The following COG4 variants were observed in gnomAD, a reference collection of about 807,000 sequenced individuals.
The protein encoded by COG4 is component of oligomeric golgi complex 4, also known as conserved oligomeric Golgi complex subunit 4.
Under a neutral mutation model 95.1 loss-of-function variants are expected in COG4, and 65 were observed. The observed-to-expected ratio is 0.68, with a 90% CI of 0.56 to 0.84. The LOEUF is 0.84. COG4 is among the 40% of genes least tolerant of loss of function. COG4 has a pLI of 0.00. For missense variants in COG4, 1,045 were observed against 989.1 expected (o/e 1.06, Z -0.76); for synonymous variants, 421 against 374.8 (o/e 1.12, Z -1.42).
At position 70,496,359 on chromosome 16, in the gene COG4, T is replaced by G. The variant is rs1256093664; in HGVS notation, c.1554A>C (p.Thr518=). The change falls in exon 12 of 19, where the codon ACA becomes ACC. Residue 518 remains threonine (T), a synonymous_variant. Coordinates refer to ENST00000323786, the MANE Select transcript of COG4 (RefSeq NM_015386.3). ...TGCTGTGCATGATGTTCACGGCACT[T>G]GTCACCCCGCGCTGGATGTCCTGGA... ...TTFQDIQRGV[T]SAVNIMHSSL... 6.2e-7 allele frequency: 1 copy of G among 1,614,194 alleles called. No homozygotes were observed. Among genetic ancestry groups the G allele is most frequent in the East Asian group, 2.2e-5 (1 of 44,878 alleles).
At chr16:70,487,290 T>A (rs11859791) in intron 13 of COG4, among the ~76,000 whole-genome samples, 84,023 of 144,804 alleles carry the variant, frequency 0.58, 26,725 homozygotes, top group African/African-American at 0.88. Flanking sequence ...AATAAAAAAA[T>A]AAAAATAAAA....
At chr16:70,491,644 G>A (rs1200068075) in intron 12 of COG4, among the ~76,000 whole-genome samples, 6 of 149,980 alleles carry the variant, frequency 4.0e-5, no homozygotes, top group Non-Finnish European at 8.9e-5. Flanking sequence ...CCAACATGGC[G>A]AAACCCCGTC....
rs776406126 is a variant in COG4, at chr16:70,509,372, C to T, written c.861G>A (p.Val287=). 2 of 1,614,194 alleles carry T rather than the reference C, an allele frequency of 1.2e-6. No homozygotes were observed. Among genetic ancestry groups the T allele is most frequent in the South Asian group, 2.2e-5 (2 of 91,086 alleles). Residue 287 remains valine (V), a synonymous_variant, in exon 7 of 19, where the codon GTG becomes GTA. Coordinates refer to ENST00000323786, the MANE Select transcript of COG4 (RefSeq NM_015386.3). ...TLLFEGIARI[V]ETHQPIVETY... ...TCTCCACTATTGGCTGGTGGGTCTC[C>T]ACAATGCGGGCAATCCCTAGAAGGG...
rs1366987468 is a variant in COG4, at chr16:70,486,462, C to T, written c.1711-2493G>A. On this transcript the variant is annotated intron_variant, in intron 13 of 18. Transcript: ENST00000323786. ...CTTGTAACCTTCCCTGTAAGCTGAACGTCATGCCACCTGATCTGCCTATCT... is the reference window on the plus strand; with the variant it reads ...CTTGTAACCTTCCCTGTAAGCTGAATGTCATGCCACCTGATCTGCCTATCT... Among the ~76,000 whole-genome samples the T allele has an allele frequency of 3.9e-5, 6 of 152,302 alleles. No individual in the cohort carries two copies. The East Asian group carries it at 7.7e-4, about 20-fold the overall frequency.
At chr16:70,486,505 G>A (rs1238173730) in intron 13 of COG4, among the ~76,000 whole-genome samples, 2 of 152,174 alleles carry the variant, frequency 1.3e-5, no homozygotes, top group East Asian at 3.8e-4. Flanking sequence ...CTGCTGATGG[G>A]GCTAAGAAAG....
intron 9 of COG4, among the ~76,000 whole-genome samples, chr16:70,498,946 G>A (rs1283590310): frequency 6.6e-6 from 1 of 152,168 alleles, no homozygotes; most frequent in East Asian, 1.9e-4. Context: ...CAGGTGTGGT[G>A]GCTCACACCT....
In COG4 at chr16:70,514,315, C is replaced by T. The variant is rs776309487; in HGVS notation, c.544+20G>A. 6.2e-7 allele frequency: 1 copy of T among 1,613,406 alleles called. No homozygotes were observed. Among genetic ancestry groups the T allele is most frequent in the Non-Finnish European group, 8.5e-7 (1 of 1,179,530 alleles). On this transcript the variant is annotated intron_variant, in intron 4 of 18. Coordinates refer to ENST00000323786, the MANE Select transcript of COG4 (RefSeq NM_015386.3). ...AGATGATTTTAACTAAACTAAAAACCAACAGTTTCGGATGCTGACCCTCTT... is the reference window on the plus strand; with the variant it reads ...AGATGATTTTAACTAAACTAAAAACTAACAGTTTCGGATGCTGACCCTCTT...
At chr16:70,499,481 G>T (rs1461947208) in intron 9 of COG4, among the ~76,000 whole-genome samples, 1 of 152,186 alleles carries the variant, frequency 6.6e-6, no homozygotes, top group African/African-American at 2.4e-5. Flanking sequence ...TGCCACAGAT[G>T]CTGGGTGGGT....
chr16:70,503,449 C>T (rs1034957331), intron 8 of COG4, among the ~76,000 whole-genome samples: 1 of 152,230 alleles, frequency 6.6e-6, no homozygotes, highest in Non-Finnish European at 1.5e-5. Context: ...CTAATGATCT[C>T]TCCATATCCA....
chr16:70,493,348 C>T (rs2049282655), intron 12 of COG4, among the ~76,000 whole-genome samples: 1 of 151,942 alleles, frequency 6.6e-6, no homozygotes, highest in Admixed American at 6.6e-5. Flanking sequence ...GGTATGGTAG[C>T]CCTCAGCCAT....
chr16:70,491,964 G>T (rs1384245630), intron 12 of COG4, among the ~76,000 whole-genome samples: 3 of 152,102 alleles, frequency 2.0e-5, no homozygotes, highest in Non-Finnish European at 4.4e-5. Context: ...AAAAGACATG[G>T]TCCACTCCTC....
intron 8 of COG4, among the ~76,000 whole-genome samples, chr16:70,506,600 AAAAAAAAAAAAAAAAAAC>A (rs1325482954): frequency 3.5e-4 from 34 of 96,360 alleles, no homozygotes; most frequent in East Asian, 4.4e-4. Flanking sequence ...CCTCAAAAAA[AAAAAAAAAAAAAAAAAAC>A]AAAAAAAAAA....
At position 70,483,965 on chromosome 16, in the gene COG4, T is replaced by G; in HGVS notation, c.1715A>C (p.Asp572Ala). 6.2e-7 allele frequency: 1 copy of G among 1,611,092 alleles called. No individual in the cohort carries two copies. The highest frequency in any genetic ancestry group is 1.7e-5 in the Admixed American group (1 of 60,008). The change falls in exon 14 of 19, where the codon GAC becomes GCC. Residue 572 changes from aspartate to alanine, a missense_variant. Coordinates refer to ENST00000323786, the MANE Select transcript of COG4 (RefSeq NM_015386.3). ...ISTLKKTLES[D>A]CTKLFSQGIG... ...GCCCTGGCTGAAGAGCTTGGTGCAG[T>G]CACTCTAGGGGAGAACACTGCTGTA...
chr16:70,482,023 A>G (rs1335593880), intron 16 of COG4, 69 bp downstream of exon 16: 4 of 1,418,176 alleles, frequency 2.8e-6, no homozygotes, highest in Non-Finnish European at 4.0e-6. Context: ...ATGTGATGAG[A>G]CCCTGCAGGC....
At chr16:70,490,263 G>T (rs772791749) in intron 13 of COG4, 67 bp downstream of exon 13, 7 of 1,267,268 alleles carry the variant, frequency 5.5e-6, no homozygotes, top group Non-Finnish European at 6.9e-6. Context: ...CATGATGTTT[G>T]TATAGGGCTC....
At chr16:70,504,484 G>GT (rs1316902110) in intron 8 of COG4, among the ~76,000 whole-genome samples, 11 of 151,946 alleles carry the variant, frequency 7.2e-5, no homozygotes, top group Non-Finnish European at 1.6e-4. Context: ...GTGAGTGCCT[G>GT]TAAGCTCAGC....
intron 8 of COG4, among the ~76,000 whole-genome samples, chr16:70,503,930 C>A (rs574975402): frequency 1.3e-5 from 2 of 152,314 alleles, no homozygotes; most frequent in East Asian, 1.9e-4. Flanking sequence ...GATCTAAGGT[C>A]ATTTCCTCAG....
chr16:70,485,812 T>A (rs2049118959), intron 13 of COG4, among the ~76,000 whole-genome samples: 1 of 152,054 alleles, frequency 6.6e-6, no homozygotes, highest in South Asian at 2.1e-4. Flanking sequence ...CTTGAACTCC[T>A]GACTGCAGGT....
At chr16:70,484,191 T>C (rs1467809331) in intron 13 of COG4, among the ~76,000 whole-genome samples, 1 of 152,218 alleles carries the variant, frequency 6.6e-6, no homozygotes, top group Non-Finnish European at 1.5e-5. Context: ...GAAACAGAAA[T>C]ACCAGAAAGT....
Sources: gnomAD v4.1 joint callset for allele counts (sites outside exome capture counted in the v4.1 genomes callset) on GRCh38, gnomAD v4.1.1 for gene constraint, MANE v1.5 for transcripts, NCBI Gene and HGNC (gene_info 2026-07-23, HGNC 2026-07-21) for gene names.